IL1RAPL2: variants seen among roughly 807,000 people sequenced by gnomAD.
The protein encoded by IL1RAPL2 is interleukin 1 receptor accessory protein like 2.
IL1RAPL2 carries 3 observed loss-of-function variants against 44.1 expected under a neutral mutation model. The ratio of observed to expected loss-of-function variants is 0.07; its 90% CI spans 0.03 to 0.18. The LOEUF (loss-of-function observed/expected upper bound fraction) is 0.18, where lower values mean the gene tolerates loss of function less well. IL1RAPL2 is among the 10% of genes least tolerant of loss of function. The probability of loss-of-function intolerance (pLI) is 1.00; values close to 1 mark genes in which losing one functional copy is unlikely to be tolerated. For synonymous variants in IL1RAPL2, 181 were observed against 178.8 expected (o/e 1.01, Z -0.10); for missense variants, 391 against 496.4 (o/e 0.79, Z 2.02).
intron 2 of IL1RAPL2, among the ~76,000 whole-genome samples, chrX:105,008,588 T>A (rs1381273612): frequency 1.8e-5 from 2 of 110,926 alleles, no homozygotes; most frequent in African/African-American, 3.3e-5. Flanking sequence ...TTACACCTTA[T>A]ACAAAAATTA....
Position 105,419,189 on chromosome X carries a change from T to C in IL1RAPL2, c.698-65124T>C, listed in dbSNP as rs187981472. On this transcript the variant is annotated intron_variant, in intron 5 of 10. Coordinates refer to ENST00000372582, the MANE Select transcript of IL1RAPL2 (RefSeq NM_017416.2). ...GGCCAGCAGCCACATCTTGAAAACA[T>C]CTATGTTATAAAGAAAAATTTCATC... Among the ~76,000 whole-genome samples, 16 of 112,054 alleles carry C rather than the reference T, an allele frequency of 1.4e-4. No homozygotes were observed. In the East Asian group the frequency reaches 4.5e-3, roughly 32 times the overall value.
chrX:104,875,660 C>A (rs915037727), intron 2 of IL1RAPL2, among the ~76,000 whole-genome samples: 2 of 111,734 alleles, frequency 1.8e-5, no homozygotes, highest in African/African-American at 6.5e-5. Flanking sequence ...TCACTGTATT[C>A]TTTTAAGTCT....
intron 2 of IL1RAPL2, among the ~76,000 whole-genome samples, chrX:105,065,605 T>G (rs757259011): frequency 9.0e-6 from 1 of 111,683 alleles, no homozygotes; most frequent in Non-Finnish European, 1.9e-5. Context: ...ATAGAACTGA[T>G]GAGTATGAAG....
intron 2 of IL1RAPL2, among the ~76,000 whole-genome samples, chrX:105,162,027 C>A (rs780998599): frequency 1.8e-5 from 2 of 111,870 alleles, no homozygotes; most frequent in South Asian, 7.5e-4. Context: ...GTTTTTCAAC[C>A]CAGTCTATGC....
intron 6 of IL1RAPL2, among the ~76,000 whole-genome samples, chrX:105,493,335 C>A (rs1200867601): frequency 8.9e-6 from 1 of 111,757 alleles, no homozygotes; most frequent in East Asian, 2.8e-4. Context: ...TTTTGAGGAA[C>A]TATCAGACTG....
At chrX:104,798,614 C>T (rs762451314) in intron 2 of IL1RAPL2, among the ~76,000 whole-genome samples, 38 of 111,287 alleles carry the variant, frequency 3.4e-4, no homozygotes, top group Middle Eastern at 4.7e-3. Context: ...TGCAGTGAGC[C>T]GAGATCGTGC....
intron 2 of IL1RAPL2, among the ~76,000 whole-genome samples, chrX:105,193,656 G>A (rs1280275802): frequency 9.0e-6 from 1 of 111,401 alleles, no homozygotes; most frequent in Admixed American, 9.6e-5. Flanking sequence ...ACAAGTAAAT[G>A]ATCCAATAGC....
chrX:104,746,166 C>T (rs1602708082), intron 2 of IL1RAPL2, among the ~76,000 whole-genome samples: 2 of 111,574 alleles, frequency 1.8e-5, no homozygotes, highest in Non-Finnish European at 3.8e-5. Context: ...TTAGTTCATT[C>T]TCTTAACAAC....
intron 5 of IL1RAPL2, among the ~76,000 whole-genome samples, chrX:105,293,300 G>T (rs1419592350): frequency 2.7e-5 from 3 of 111,506 alleles, no homozygotes; most frequent in African/African-American, 9.8e-5. Flanking sequence ...TTGGTTTTTG[G>T]GATTTAATAT....
rs3038938 is a variant in IL1RAPL2, at chrX:105,600,686, TTTAA to T, written c.772+116306_772+116309del. Among the ~76,000 whole-genome samples the T allele has an allele frequency of 8.6e-3, 874 of 101,173 alleles. 9 individuals carry two copies. The highest frequency in any genetic ancestry group is 0.029 in the African/African-American group (829 of 28,238). The allele number at this position is 101,173 out of a possible 115,157, so 87.9% of individuals were successfully genotyped here. A position where few individuals can be genotyped will look rare whatever the true frequency, so the allele number is the denominator to read the frequency against. On this transcript the variant is annotated intron_variant, in intron 6 of 10. Coordinates refer to ENST00000372582, the MANE Select transcript of IL1RAPL2 (RefSeq NM_017416.2). ...ATTAATAATATTTGATAATAGAATA[TTTAA>T]TTAATTTAATTGATAATGAATAATA...
intron 2 of IL1RAPL2, among the ~76,000 whole-genome samples, chrX:104,722,784 A>T (rs1429357601): frequency 8.9e-6 from 1 of 111,775 alleles, no homozygotes; most frequent in Non-Finnish European, 1.9e-5. Flanking sequence ...TGCAAAGATT[A>T]AATCCTAAGT....
intron 4 of IL1RAPL2, among the ~76,000 whole-genome samples, chrX:105,250,308 T>G (rs1293561595): frequency 3.6e-5 from 4 of 111,350 alleles, no homozygotes; most frequent in Admixed American, 1.9e-4. Context: ...TAATGATGGA[T>G]GTATGAAATT....
At chrX:104,685,640 G>A (rs1217733336) in intron 2 of IL1RAPL2, among the ~76,000 whole-genome samples, 2 of 111,383 alleles carry the variant, frequency 1.8e-5, no homozygotes, top group African/African-American at 3.3e-5. Flanking sequence ...GAAGGGGGAA[G>A]GGAAAGCATT....
At chrX:105,481,110 T>C (rs1339468996) in intron 5 of IL1RAPL2, among the ~76,000 whole-genome samples, 1 of 111,841 alleles carries the variant, frequency 8.9e-6, no homozygotes, top group Admixed American at 9.5e-5. Context: ...CCCATTGGAC[T>C]AGGAACCCTA....
At chrX:104,938,846 C>G (rs1450454645) in intron 2 of IL1RAPL2, among the ~76,000 whole-genome samples, 1 of 111,217 alleles carries the variant, frequency 9.0e-6, no homozygotes, top group Non-Finnish European at 1.9e-5. Context: ...AAAGTGGTGT[C>G]ATGGGAAAAT....
intron 2 of IL1RAPL2, among the ~76,000 whole-genome samples, chrX:105,110,318 G>A (rs1052483319): frequency 8.9e-6 from 1 of 112,137 alleles, no homozygotes; most frequent in East Asian, 2.8e-4. Flanking sequence ...GTTCTTTTGC[G>A]GAAAATTTTG....
chrX:105,417,365 T>C (rs150622391), intron 5 of IL1RAPL2, among the ~76,000 whole-genome samples: 1 of 111,807 alleles, frequency 8.9e-6, no homozygotes, highest in East Asian at 2.8e-4. Context: ...CCCAGCTACT[T>C]GGGAGGCTGA....
Position 105,654,575 on chromosome X carries a change from C to A in IL1RAPL2, c.773-62792C>A, listed in dbSNP as rs988831170. Among the ~76,000 whole-genome samples the A allele has an allele frequency of 3.6e-5, 4 of 111,829 alleles. 1 individual carries two copies. In the Admixed American group the frequency reaches 3.8e-4, roughly 11 times the overall value. On this transcript the variant is annotated intron_variant, in intron 6 of 10. Transcript: ENST00000372582. Reference sequence around the variant, plus strand: ...AAATATGGTCCTATTTGACTATTTTCAGTCAGAATATTTTAAATTAAATAT... The same window carrying A: ...AAATATGGTCCTATTTGACTATTTTAAGTCAGAATATTTTAAATTAAATAT...
intron 2 of IL1RAPL2, among the ~76,000 whole-genome samples, chrX:105,182,506 T>TTC (rs1312821919): frequency 1.8e-5 from 2 of 112,028 alleles, no homozygotes; most frequent in African/African-American, 6.5e-5. Context: ...ATCCTTTTAC[T>TTC]TTGTCTATGT....
Sources: allele counts gnomAD v4.1 joint callset (sites outside exome capture counted in the v4.1 genomes callset), GRCh38; gene constraint gnomAD v4.1.1; transcripts MANE v1.5; gene names NCBI Gene and HGNC (gene_info 2026-07-23, HGNC 2026-07-21).